LPP: variants seen among roughly 807,000 people sequenced by gnomAD.
LPP encodes lipoma-preferred partner.
LPP carries 38 observed loss-of-function variants against 60.4 expected under a neutral mutation model. The observed-to-expected ratio is 0.63, with a 90% CI of 0.49 to 0.83. LPP has a LOEUF of 0.83. Among genes scored for constraint, LPP ranks in the 40% least tolerant of loss-of-function variants. The pLI, the probability that LPP is intolerant of heterozygous loss-of-function variation, is 0.00. For missense variants in LPP, 902 were observed against 783.6 expected (o/e 1.15, Z -1.80); for synonymous variants, 328 against 290.8 (o/e 1.13, Z -1.30).
chr3:188,648,241 A>G (rs1515427), intron 7 of LPP, among the ~76,000 whole-genome samples: 151,087 of 152,248 alleles, frequency 0.99, 74,975 homozygotes, highest in East Asian at 1. Flanking sequence ...TGATTCTACA[A>G]TCTTTATGGG....
rs1390784729 is a variant in LPP, at chr3:188,592,577, C to T, written c.430-16584C>T. On this transcript the variant is annotated intron_variant, in intron 6 of 11. Coordinates refer to ENST00000617246, the MANE Select transcript of LPP (RefSeq NM_001375462.1). Reference sequence around the variant, plus strand: ...TTTTTGTTTTTTAAATGGAGTCTCACTCTTTCTCCCAGGCTGGAGTGCAGT... The same window carrying T: ...TTTTTGTTTTTTAAATGGAGTCTCATTCTTTCTCCCAGGCTGGAGTGCAGT... Among the ~76,000 whole-genome samples, 4 of 38,978 alleles carry T rather than the reference C, an allele frequency of 1.0e-4. 1 individual carries two copies. The highest frequency in any genetic ancestry group is 2.5e-4 in the Non-Finnish European group (4 of 15,854). 25.6% of individuals were successfully genotyped at this position (38,978 alleles called of 152,430 possible).
At chr3:188,830,479 G>A (rs979426880) in intron 9 of LPP, among the ~76,000 whole-genome samples, 1 of 151,762 alleles carries the variant, frequency 6.6e-6, no homozygotes, top group African/African-American at 2.4e-5. Context: ...GGTGGCACGT[G>A]ACTGTAGTCC....
intron 1 of LPP, among the ~76,000 whole-genome samples, chr3:188,223,613 G>T (rs1716632792): frequency 6.6e-6 from 1 of 152,174 alleles, no homozygotes; most frequent in Non-Finnish European, 1.5e-5. Flanking sequence ...AAGCTGGAGA[G>T]TGTGAGTGAG....
chr3:188,371,641 A>ATATATATATT lies in LPP; in HGVS notation c.-10+29923_-10+29924insATATATATTT, dbSNP rs1553878071. ...AATATATATATATATATATATATAT[A>ATATATATATT]TTTTTTTTTTTTTTTTTTTTTTTTT... On this transcript the variant is annotated intron_variant, in intron 3 of 11. Transcript: ENST00000617246. Among the ~76,000 whole-genome samples, 21 of 32,172 alleles carry ATATATATATT rather than the reference A, an allele frequency of 6.5e-4. 1 individual carries two copies. Among genetic ancestry groups the ATATATATATT allele is most frequent in the Admixed American group, 1.3e-3 (2 of 1,554 alleles). The allele number at this position is 32,172 out of a possible 152,430, so 21.1% of individuals were successfully genotyped here. A position where few individuals can be genotyped will look rare whatever the true frequency, so the allele number is the denominator to read the frequency against.
At chr3:188,534,547 T>C (rs1560531362) in intron 6 of LPP, among the ~76,000 whole-genome samples, 2 of 152,210 alleles carry the variant, frequency 1.3e-5, no homozygotes, top group African/African-American at 2.4e-5. Context: ...TGAAACCCCA[T>C]AGTTCCTTTC....
Position 188,378,309 on chromosome 3 carries a change from A to T in LPP, c.-9-27803A>T, listed in dbSNP as rs1775815737. Among the ~76,000 whole-genome samples the T allele has an allele frequency of 2.0e-5, 3 of 152,186 alleles. No individual in the cohort carries two copies. In the South Asian group the frequency reaches 6.2e-4, roughly 31 times the overall value. The stretch of plus-strand genomic sequence containing the variant: ...GTCTGTGCCCTGCCCCCAGAGGTGG[A>T]GCCTACAGAGGCAGGCAGGCCTCCT... On this transcript the variant is annotated intron_variant, in intron 3 of 11. Transcript: ENST00000617246.
intron 2 of LPP, among the ~76,000 whole-genome samples, chr3:188,248,792 A>G (rs1479669078): frequency 2.0e-5 from 3 of 152,044 alleles, no homozygotes; most frequent in Admixed American, 2.0e-4. Flanking sequence ...CCTCCCTTGC[A>G]CCAGTTCGTT....
intron 1 of LPP, among the ~76,000 whole-genome samples, chr3:188,218,560 T>C (rs934967010): frequency 6.6e-6 from 1 of 152,238 alleles, no homozygotes; most frequent in Non-Finnish European, 1.5e-5. Context: ...GGTTTTCAAA[T>C]AATTAGCATA....
intron 7 of LPP, among the ~76,000 whole-genome samples, chr3:188,637,612 G>A (rs1330536607): frequency 4.0e-5 from 6 of 151,422 alleles, no homozygotes; most frequent in African/African-American, 9.7e-5. Context: ...TTGATAGACC[G>A]CTAGCAAGAC....
intron 9 of LPP, among the ~76,000 whole-genome samples, chr3:188,780,369 A>G (rs1739245262): frequency 6.6e-6 from 1 of 152,234 alleles, no homozygotes; most frequent in South Asian, 2.1e-4. Flanking sequence ...GAATTGGAGC[A>G]GCAAATGGAA....
chr3:188,885,546 C>G lies in LPP; in HGVS notation c.*11067C>G, dbSNP rs2152095528. 1 of 175,720 alleles carries G rather than the reference C, an allele frequency of 5.7e-6. No homozygotes were observed. Among genetic ancestry groups the G allele is most frequent in the Non-Finnish European group, 1.2e-5 (1 of 81,450 alleles). The allele number at this position is 175,720 out of a possible 1,614,324, so 10.9% of individuals were successfully genotyped here. On this transcript the variant is annotated 3_prime_UTR_variant, in exon 12 of 12. Transcript: ENST00000617246. ...CTTAATCCAGTCTATCATTGTTGGACATTTGGGTTGGTTCCAAGTCTTTGC... is the reference window on the plus strand; with the variant it reads ...CTTAATCCAGTCTATCATTGTTGGAGATTTGGGTTGGTTCCAAGTCTTTGC...
At chr3:188,640,419 G>C (rs1291818258) in intron 7 of LPP, among the ~76,000 whole-genome samples, 2 of 148,372 alleles carry the variant, frequency 1.3e-5, no homozygotes, top group Non-Finnish European at 3.0e-5. Flanking sequence ...CCTAATGCTA[G>C]ATGACGAGTT....
intron 3 of LPP, among the ~76,000 whole-genome samples, chr3:188,377,984 T>G (rs1180046047): frequency 6.6e-6 from 1 of 152,148 alleles, no homozygotes; most frequent in Non-Finnish European, 1.5e-5. Context: ...CAGTCCCTGT[T>G]TGTCTAAGTA....
chr3:188,660,658 G>GTGTT (rs1854373189), intron 7 of LPP, among the ~76,000 whole-genome samples: 2 of 151,828 alleles, frequency 1.3e-5, no homozygotes, highest in African/African-American at 4.8e-5. Context: ...GTGTGTGTGT[G>GTGTT]TGTGTGTGTT....
intron 6 of LPP, among the ~76,000 whole-genome samples, chr3:188,590,144 A>C (rs1402883454): frequency 2.0e-5 from 3 of 151,752 alleles, no homozygotes; most frequent in African/African-American, 7.2e-5. Flanking sequence ...GATAAAATGT[A>C]TGATTTCTTT....
intron 4 of LPP, among the ~76,000 whole-genome samples, chr3:188,421,729 T>C (rs998325647): frequency 6.6e-6 from 1 of 152,212 alleles, no homozygotes; most frequent in Non-Finnish European, 1.5e-5. Context: ...CAGTTTTGCC[T>C]GTCTCCATCT....
At chr3:188,368,048 A>C (rs1272305758) in intron 3 of LPP, among the ~76,000 whole-genome samples, 3 of 152,218 alleles carry the variant, frequency 2.0e-5, no homozygotes, top group Non-Finnish European at 4.4e-5. Context: ...GAGAAATTAC[A>C]GGTTTATTTA....
chr3:188,359,657 C>T (rs1367844116), intron 3 of LPP, among the ~76,000 whole-genome samples: 1 of 152,098 alleles, frequency 6.6e-6, no homozygotes, highest in Non-Finnish European at 1.5e-5. Flanking sequence ...TAATCTCTTC[C>T]TCTATACGTG....
intron 1 of LPP, among the ~76,000 whole-genome samples, chr3:188,173,638 G>A (rs958697578): frequency 1.3e-5 from 2 of 152,134 alleles, no homozygotes; most frequent in Non-Finnish European, 2.9e-5. Context: ...GAGCAGCTGC[G>A]GATGAAGTCG....
Sources: allele counts gnomAD v4.1 joint callset (sites outside exome capture counted in the v4.1 genomes callset), GRCh38; gene constraint gnomAD v4.1.1; transcripts MANE v1.5; gene names NCBI Gene and HGNC (gene_info 2026-07-23, HGNC 2026-07-21).